Variants in DCLK1 observed in about 807,000 individuals in gnomAD.
The protein encoded by DCLK1 is doublecortin like kinase 1, also known as serine/threonine-protein kinase DCLK1.
DCLK1 carries 16 observed loss-of-function variants against 86.2 expected under a neutral mutation model. That is an observed-to-expected ratio of 0.19 (90% CI 0.13 to 0.28). The LOEUF (loss-of-function observed/expected upper bound fraction) is 0.28, where lower values mean the gene tolerates loss of function less well. Among genes scored for constraint, DCLK1 ranks in the 10% least tolerant of loss-of-function variants. DCLK1 has a pLI of 1.00. For synonymous variants in DCLK1, 369 were observed against 370.5 expected, an observed-to-expected ratio of 1.00 and a Z score of 0.05; for missense variants, 590 against 940.2, an observed-to-expected ratio of 0.63 and a Z score of 4.87.
rs1881287965 is a variant in DCLK1, at chr13:36,011,883, A to C, written c.724-64426T>G. 5.3e-5 allele frequency among the ~76,000 whole-genome samples: 8 copies of C among 149,898 alleles called. No individual in the cohort carries two copies. In the South Asian group the frequency reaches 1.7e-3, roughly 32 times the overall value. ...GTCTAAGTCTCTTTGTAGGTCACTCAGGTCTTGCTTTATGAATCTGGGTGC... is the reference window on the plus strand; with the variant it reads ...GTCTAAGTCTCTTTGTAGGTCACTCCGGTCTTGCTTTATGAATCTGGGTGC... On this transcript the variant is annotated intron_variant, in intron 3 of 16. Coordinates refer to ENST00000360631, the MANE Select transcript of DCLK1 (RefSeq NM_001330071.2).
chr13:36,013,539 C>G (rs370272136), intron 3 of DCLK1, among the ~76,000 whole-genome samples: 5 of 152,126 alleles, frequency 3.3e-5, no homozygotes, highest in Admixed American at 6.5e-5. Flanking sequence ...TTAGGCTGCT[C>G]GGGGGTCAGG....
intron 4 of DCLK1, among the ~76,000 whole-genome samples, chr13:35,901,039 A>G (rs185453282): frequency 6.6e-6 from 1 of 152,298 alleles, no homozygotes; most frequent in Admixed American, 6.5e-5. Context: ...AACAAGAAAT[A>G]AGGAAATGTT....
At chr13:35,875,987 G>A (rs1230565043) in intron 4 of DCLK1, among the ~76,000 whole-genome samples, 2 of 152,160 alleles carry the variant, frequency 1.3e-5, no homozygotes, top group African/African-American at 4.8e-5. Context: ...TAAGCAAGCT[G>A]TTCCATGGTG....
At chr13:36,056,016 T>C (rs1261948878) in intron 3 of DCLK1, among the ~76,000 whole-genome samples, 2 of 150,766 alleles carry the variant, frequency 1.3e-5, no homozygotes, top group Non-Finnish European at 1.5e-5. Context: ...ACACTGTTGG[T>C]GGGACTGTAA....
At chr13:35,979,554 T>A (rs1879533521) in intron 3 of DCLK1, among the ~76,000 whole-genome samples, 1 of 152,206 alleles carries the variant, frequency 6.6e-6, no homozygotes, top group Admixed American at 6.5e-5. Context: ...AGTGCCAAAG[T>A]ACTGACTCAT....
chr13:35,827,775 C>T lies in DCLK1; in HGVS notation c.1288-21G>A, dbSNP rs373383608. ...TGCTCCTGTCCAAAGGAAAAGTTAT[C>T]TTCATCAGCTTCCATAAAACATGTG... is the stretch of plus-strand genomic sequence containing the variant. On this transcript the variant is annotated intron_variant, in intron 9 of 16. Transcript: ENST00000360631. 19 of 1,612,016 alleles carry T rather than the reference C, an allele frequency of 1.2e-5. No individual in the cohort carries two copies. The African/African-American group carries it at 2.4e-4, about 20-fold the overall frequency.
At chr13:35,838,414 A>G (rs562088519) in intron 7 of DCLK1, among the ~76,000 whole-genome samples, 2 of 152,292 alleles carry the variant, frequency 1.3e-5, no homozygotes, top group East Asian at 3.9e-4. Context: ...ACTTCCCCAC[A>G]GTTGATTTGA....
intron 6 of DCLK1, chr13:35,848,215 AT>A (rs1242002799): frequency 1.1e-5 from 11 of 985,032 alleles, no homozygotes; most frequent in East Asian, 1.1e-4. Context: ...TCATTGCCGA[AT>A]TTTTTTTATA....
intron 8 of DCLK1, among the ~76,000 whole-genome samples, chr13:35,833,772 G>A (rs1869146757): frequency 6.6e-6 from 1 of 152,090 alleles, no homozygotes; most frequent in Admixed American, 6.5e-5. Context: ...TATTTTCTTG[G>A]ACCTCTGGAA....
At chr13:35,888,010 C>A (rs1171067) in intron 4 of DCLK1, among the ~76,000 whole-genome samples, 118,419 of 151,686 alleles carry the variant, frequency 0.78, 47,579 homozygotes, top group East Asian at 0.89. Context: ...ACAATTTCTT[C>A]TTTTTATATT....
intron 4 of DCLK1, among the ~76,000 whole-genome samples, chr13:35,880,218 A>C (rs1486599762): frequency 6.6e-6 from 1 of 152,212 alleles, no homozygotes; most frequent in African/African-American, 2.4e-5. Flanking sequence ...ATTAGTACCC[A>C]TTGCTTAACC....
chr13:35,788,191 T>C, intron 16 of DCLK1: 2 of 1,611,918 alleles, frequency 1.2e-6, no homozygotes, highest in Non-Finnish European at 1.7e-6. Flanking sequence ...ACACTGACTG[T>C]TGAGCTGCAC....
At chr13:36,007,503 G>A (rs1440953722) in intron 3 of DCLK1, among the ~76,000 whole-genome samples, 5 of 152,134 alleles carry the variant, frequency 3.3e-5, no homozygotes, top group Admixed American at 6.5e-5. Flanking sequence ...AATATCTTGG[G>A]GTTGTGAGTA....
chr13:35,839,688 T>C (rs1332646181), intron 6 of DCLK1, among the ~76,000 whole-genome samples: 1 of 152,222 alleles, frequency 6.6e-6, no homozygotes, highest in East Asian at 1.9e-4. Context: ...GGTTGTCATT[T>C]CCATCTTGAG....
chr13:35,865,523 C>A (rs1871725909), intron 5 of DCLK1, among the ~76,000 whole-genome samples: 1 of 152,136 alleles, frequency 6.6e-6, no homozygotes, highest in Admixed American at 6.5e-5. Context: ...CTCTGTTTGC[C>A]TTCTTTCAGC....
chr13:36,044,667 C>T (rs192787412), intron 3 of DCLK1, among the ~76,000 whole-genome samples: 160 of 152,154 alleles, frequency 1.1e-3, no homozygotes, highest in African/African-American at 3.7e-3. Flanking sequence ...TAATAGTATA[C>T]TACTTGACTC....
At chr13:35,975,572 G>A (rs1472469780) in intron 3 of DCLK1, among the ~76,000 whole-genome samples, 2 of 150,136 alleles carry the variant, frequency 1.3e-5, no homozygotes, top group Admixed American at 6.7e-5. Context: ...TGCTACCAGA[G>A]TTCTGGCAGC....
chr13:35,842,968 G>A (rs1869910580), intron 6 of DCLK1, among the ~76,000 whole-genome samples: 1 of 152,128 alleles, frequency 6.6e-6, no homozygotes. Context: ...TTATCCTTAA[G>A]TCCAACGAAA....
intron 3 of DCLK1, among the ~76,000 whole-genome samples, chr13:36,110,403 A>T (rs936203911): frequency 6.6e-6 from 1 of 152,162 alleles, no homozygotes; most frequent in Non-Finnish European, 1.5e-5. Flanking sequence ...TACTTAGGGC[A>T]AGGGTTATAA....
Sources: gnomAD v4.1 joint callset for allele counts (sites outside exome capture counted in the v4.1 genomes callset) on GRCh38, gnomAD v4.1.1 for gene constraint, MANE v1.5 for transcripts, NCBI Gene and HGNC (gene_info 2026-07-23, HGNC 2026-07-21) for gene names.